Variants in MNAT1 observed in about 807,000 individuals in gnomAD.
The protein encoded by MNAT1 is MNAT1 component of CDK activating kinase.
In MNAT1, 43 loss-of-function variants were observed where a neutral mutation model predicts 42.0. The ratio of observed to expected loss-of-function variants is 1.02; its 90% confidence interval spans 0.80 to 1.32. The LOEUF (loss-of-function observed/expected upper bound fraction) is 1.32. Among genes scored for constraint, MNAT1 ranks in the 40% most tolerant of loss-of-function variants. The pLI is 0.00. For missense variants in MNAT1, 306 were observed against 350.4 expected (o/e 0.87, Z 1.01); for synonymous variants, 118 against 120.0 (o/e 0.98, Z 0.11).
Position 60,840,469 on chromosome 14 carries a change from A to G in MNAT1, c.687+21622A>G, listed in dbSNP as rs190745707. On this transcript the variant is annotated intron_variant, in intron 6 of 7. Transcript: ENST00000261245. Reference sequence around the variant, plus strand: ...TATCACCCAACCAGGGAACTACATTAGTATTCCTGCCTTACTCAGTCATTG... The same window carrying G: ...TATCACCCAACCAGGGAACTACATTGGTATTCCTGCCTTACTCAGTCATTG... Among the ~76,000 whole-genome samples, 75 of 152,326 alleles carry G rather than the reference A, an allele frequency of 4.9e-4. No individual in the cohort carries two copies. The East Asian group carries it at 0.011, about 22-fold the overall frequency.
At chr14:60,831,635 C>A (rs922743681) in intron 6 of MNAT1, among the ~76,000 whole-genome samples, 6 of 152,144 alleles carry the variant, frequency 3.9e-5, no homozygotes, top group African/African-American at 1.4e-4. Context: ...CTGCAATAAA[C>A]ATATGTGTGC....
chr14:60,942,493 G>A (rs1025427564), intron 7 of MNAT1, among the ~76,000 whole-genome samples: 21 of 144,674 alleles, frequency 1.5e-4, no homozygotes, highest in African/African-American at 4.9e-4. Context: ...ATTTAAAATA[G>A]TGATATTCAT....
chr14:60,866,576 A>G (rs973514384), intron 6 of MNAT1, among the ~76,000 whole-genome samples: 2 of 152,058 alleles, frequency 1.3e-5, no homozygotes, highest in Non-Finnish European at 2.9e-5. Flanking sequence ...AGAGGGAGAC[A>G]ATGCTGTTCC....
At chr14:60,783,957 G>A (rs567597314) in intron 1 of MNAT1, among the ~76,000 whole-genome samples, 3 of 152,156 alleles carry the variant, frequency 2.0e-5, no homozygotes, top group South Asian at 2.1e-4. Flanking sequence ...AGCCTCCCAA[G>A]TAGCTGGGAC....
At chr14:60,739,878 G>C (rs1026184645) in intron 1 of MNAT1, among the ~76,000 whole-genome samples, 1 of 152,158 alleles carries the variant, frequency 6.6e-6, no homozygotes, top group African/African-American at 2.4e-5. Flanking sequence ...TTCTGTCTGG[G>C]TGCAGTGGCT....
intron 6 of MNAT1, among the ~76,000 whole-genome samples, chr14:60,876,509 C>T (rs1594823885): frequency 6.6e-6 from 1 of 152,102 alleles, no homozygotes; most frequent in East Asian, 1.9e-4. Flanking sequence ...CTGCATCTAT[C>T]ACCACCGTTC....
chr14:60,776,571 G>T (rs904261442), intron 1 of MNAT1, among the ~76,000 whole-genome samples: 3 of 151,504 alleles, frequency 2.0e-5, no homozygotes, highest in Admixed American at 6.6e-5. Context: ...AAACTGTCCT[G>T]GGGGGGGAGG....
rs747709332 is a variant in MNAT1, at chr14:60,821,178, C to G, written c.687+2331C>G. 1.1e-3 allele frequency among the ~76,000 whole-genome samples: 165 copies of G among 152,136 alleles called. 2 individuals are homozygous for G. The highest frequency in any genetic ancestry group is 5.6e-4 in the Non-Finnish European group (38 of 68,030). On this transcript the variant is annotated intron_variant, in intron 6 of 7. Coordinates refer to ENST00000261245, the MANE Select transcript of MNAT1 (RefSeq NM_002431.4). ...AAATTTTAATATAGAGACAGGGTCT[C>G]ACTATGTTGCCCAGGCTGGCCTCAA... is the stretch of plus-strand genomic sequence containing the variant.
At chr14:60,760,102 C>A (rs1156571818) in intron 1 of MNAT1, among the ~76,000 whole-genome samples, 1 of 151,980 alleles carries the variant, frequency 6.6e-6, no homozygotes, top group Non-Finnish European at 1.5e-5. Flanking sequence ...TATATCTATT[C>A]CAAGTGGACA....
intron 7 of MNAT1, among the ~76,000 whole-genome samples, chr14:60,924,053 CAGA>C (rs2035717166): frequency 1.3e-5 from 2 of 152,078 alleles, no homozygotes; most frequent in Non-Finnish European, 1.5e-5. Flanking sequence ...TTAAAGGAGG[CAGA>C]AGAAGTTTAA....
At chr14:60,882,970 T>G (rs2034583548) in intron 7 of MNAT1, among the ~76,000 whole-genome samples, 1 of 152,176 alleles carries the variant, frequency 6.6e-6, no homozygotes, top group African/African-American at 2.4e-5. Flanking sequence ...GTTCCTTACA[T>G]ATTCTGGTTA....
chr14:60,796,593 C>CATGTATTGAGTACCTACT (rs1408770606), intron 2 of MNAT1, among the ~76,000 whole-genome samples: 1 of 152,076 alleles, frequency 6.6e-6, no homozygotes, highest in African/African-American at 2.4e-5. Context: ...GATTAATAAA[C>CATGTATTGAGTACCTACT]ATGTATTGAG....
chr14:60,768,191 G>A (rs540039279), intron 1 of MNAT1, among the ~76,000 whole-genome samples: 78 of 152,256 alleles, frequency 5.1e-4, no homozygotes, highest in African/African-American at 1.8e-3. Flanking sequence ...GTGAGCCACC[G>A]CGCCTGGCCC....
intron 7 of MNAT1, among the ~76,000 whole-genome samples, chr14:60,886,248 G>T (rs1018334127): frequency 2.4e-4 from 36 of 151,920 alleles, no homozygotes; most frequent in African/African-American, 8.0e-4. Flanking sequence ...GTGGTTTCAT[G>T]TGAACTTTAT....
At chr14:60,813,481 A>G (rs1056347191) in intron 5 of MNAT1, among the ~76,000 whole-genome samples, 1 of 152,176 alleles carries the variant, frequency 6.6e-6, no homozygotes, top group Non-Finnish European at 1.5e-5. Context: ...ACAAGAGAGA[A>G]TATCCCAAGA....
intron 7 of MNAT1, among the ~76,000 whole-genome samples, chr14:60,882,983 A>C (rs1401417010): frequency 1.3e-5 from 2 of 152,134 alleles, no homozygotes; most frequent in African/African-American, 4.8e-5. Context: ...TCTGGTTAAT[A>C]ATGCCTTGTC....
intron 7 of MNAT1, among the ~76,000 whole-genome samples, chr14:60,926,967 C>T (rs1000791869): frequency 1.3e-5 from 2 of 152,098 alleles, no homozygotes; most frequent in African/African-American, 4.8e-5. Context: ...CATTTAGGAG[C>T]TCTGTGTCAA....
intron 7 of MNAT1, among the ~76,000 whole-genome samples, chr14:60,890,024 A>G (rs907831366): frequency 1.3e-5 from 2 of 152,240 alleles, no homozygotes; most frequent in East Asian, 3.9e-4. Flanking sequence ...CAGTTCAACC[A>G]TTGTGGAAGT....
intron 1 of MNAT1, among the ~76,000 whole-genome samples, chr14:60,776,574 G>GC (rs1270495518): frequency 2.6e-5 from 4 of 152,114 alleles, no homozygotes; most frequent in African/African-American, 9.7e-5. Flanking sequence ...CTGTCCTGGG[G>GC]GGGGAGGAGC....
Sources: allele counts gnomAD v4.1 joint callset (sites outside exome capture counted in the v4.1 genomes callset), GRCh38; gene constraint gnomAD v4.1.1; transcripts MANE v1.5; gene names NCBI Gene and HGNC (gene_info 2026-07-23, HGNC 2026-07-21).